NBEAL1: variants seen among roughly 807,000 people sequenced by gnomAD.
NBEAL1 encodes neurobeachin-like protein 1.
A neutral mutation model predicts 351.3 loss-of-function variants in NBEAL1; 273 were observed. The ratio of observed to expected loss-of-function variants is 0.78; its 90% confidence interval spans 0.70 to 0.86. The LOEUF (loss-of-function observed/expected upper bound fraction) is 0.86, where lower values mean the gene tolerates loss of function less well. Ranked by LOEUF, NBEAL1 falls within the 40% of genes least tolerant of loss-of-function variation. NBEAL1 has a pLI of 0.00. For missense variants in NBEAL1, 2,961 were observed against 3,201.3 expected, an observed-to-expected ratio of 0.92 and a Z score of 1.81; for synonymous variants, 1,050 against 1,086.4, an observed-to-expected ratio of 0.97 and a Z score of 0.66.
rs545562522 is a variant in NBEAL1, at chr2:203,124,182, C to T, written c.2683-1170C>T. Among the ~76,000 whole-genome samples, 16 of 152,190 alleles carry T rather than the reference C, an allele frequency of 1.1e-4. 1 individual carries two copies. Among genetic ancestry groups the T allele is most frequent in the Admixed American group, 5.2e-4 (8 of 15,272 alleles). Reference sequence around the variant, plus strand: ...CAAAACTTTGTACAAAAAATACACACGTTAGCTGAGTGTGGTGGCACATGC... The same window carrying T: ...CAAAACTTTGTACAAAAAATACACATGTTAGCTGAGTGTGGTGGCACATGC... On this transcript the variant is annotated intron_variant, in intron 19 of 55. Coordinates refer to ENST00000683969, the MANE Select transcript of NBEAL1 (RefSeq NM_001378026.1).
At chr2:203,207,084 T>C (rs371054935) in intron 51 of NBEAL1, among the ~76,000 whole-genome samples, 1 of 141,222 alleles carries the variant, frequency 7.1e-6, no homozygotes, top group Non-Finnish European at 1.6e-5. Flanking sequence ...CCGTCCGGGA[T>C]GTGAGGAGCG....
chr2:203,063,448 AGGAGGGAGGGAG>A (rs556653752), intron 6 of NBEAL1, among the ~76,000 whole-genome samples: 1 of 114,348 alleles, frequency 8.7e-6, no homozygotes, highest in Non-Finnish European at 1.7e-5. Flanking sequence ...TGAAAGAAAG[AGGAGGGAGGGAG>A]GGAGGGAGGG....
At chr2:203,084,691 C>T in intron 10 of NBEAL1, 122 bp downstream of exon 10, 1 of 490,004 alleles carries the variant, frequency 2.0e-6, no homozygotes, top group Non-Finnish European at 3.5e-6. Flanking sequence ...CATTTAATTA[C>T]ATAACCAAGT....
intron 8 of NBEAL1, among the ~76,000 whole-genome samples, chr2:203,081,971 G>A (rs2061882299): frequency 6.6e-6 from 1 of 152,164 alleles, no homozygotes; most frequent in Admixed American, 6.5e-5. Flanking sequence ...AGGTATGATG[G>A]TGCACACCTG....
At chr2:203,029,042 A>G (rs539881441) in intron 2 of NBEAL1, among the ~76,000 whole-genome samples, 2 of 152,170 alleles carry the variant, frequency 1.3e-5, no homozygotes, top group East Asian at 1.9e-4. Context: ...CTGGAGTGCA[A>G]TGGTGTGATC....
At chr2:203,203,653 C>T (rs1476312069) in intron 51 of NBEAL1, among the ~76,000 whole-genome samples, 3 of 152,152 alleles carry the variant, frequency 2.0e-5, no homozygotes, top group African/African-American at 7.2e-5. Flanking sequence ...CTGCAATGAG[C>T]TGAGATTCTG....
At chr2:203,149,524 A>G (rs1324705419) in intron 34 of NBEAL1, among the ~76,000 whole-genome samples, 12 of 152,066 alleles carry the variant, frequency 7.9e-5, no homozygotes, top group Admixed American at 7.9e-4. Context: ...TGTTTTGCTT[A>G]ATTATATTAT....
At chr2:203,206,367 A>C (rs1435559776) in intron 51 of NBEAL1, among the ~76,000 whole-genome samples, 1 of 151,976 alleles carries the variant, frequency 6.6e-6, no homozygotes, top group Non-Finnish European at 1.5e-5. Context: ...TACAAGAAAG[A>C]AAGCATGTCT....
chr2:203,204,290 A>C (rs1397236432), intron 51 of NBEAL1, among the ~76,000 whole-genome samples: 1 of 146,112 alleles, frequency 6.8e-6, no homozygotes, highest in African/African-American at 2.5e-5. Flanking sequence ...AATTGTATTT[A>C]ATTTATATGT....
chr2:203,056,028 A>G (rs190827076), intron 4 of NBEAL1, among the ~76,000 whole-genome samples: 1 of 152,256 alleles, frequency 6.6e-6, no homozygotes, highest in African/African-American at 2.4e-5. Flanking sequence ...TGAAAACAGT[A>G]TGTACAAAAA....
At chr2:203,058,648 A>C (rs2061445708) in intron 6 of NBEAL1, among the ~76,000 whole-genome samples, 1 of 152,198 alleles carries the variant, frequency 6.6e-6, no homozygotes, top group South Asian at 2.1e-4. Flanking sequence ...TACAATTAAG[A>C]ATTCTTGCTG....
intron 51 of NBEAL1, among the ~76,000 whole-genome samples, chr2:203,206,469 A>G (rs2065566006): frequency 1.3e-5 from 2 of 152,070 alleles, no homozygotes; most frequent in South Asian, 2.1e-4. Context: ...ATGCCGAGCC[A>G]AAGCTGGACT....
chr2:203,151,787 T>C (rs916774455), intron 35 of NBEAL1, among the ~76,000 whole-genome samples, 198 bp downstream of exon 35: 5 of 152,182 alleles, frequency 3.3e-5, no homozygotes, highest in African/African-American at 7.2e-5. Flanking sequence ...CTTCCATTGA[T>C]TGTAATTTCT....
At chr2:203,041,911 AAG>A in intron 3 of NBEAL1, 55 bp downstream of exon 3, 1 of 1,148,650 alleles carries the variant, frequency 8.7e-7, no homozygotes, top group South Asian at 1.3e-5. Context: ...TTTTGGCACA[AAG>A]ATTTCATTGA....
At chr2:203,191,239 G>A (rs1320432725) in intron 46 of NBEAL1, 14 of 1,476,662 alleles carry the variant, frequency 9.5e-6, no homozygotes, top group African/African-American at 2.8e-5. Context: ...CATCATCGAT[G>A]ACATCAACAG....
rs143631458 is a variant in NBEAL1 at position 203,093,547 on chromosome 2, A to G, written c.1099-4000A>G. 2.3e-4 allele frequency among the ~76,000 whole-genome samples: 35 copies of G among 152,254 alleles called. 1 individual carries two copies. In the East Asian group the frequency reaches 6.4e-3, roughly 28 times the overall value. ...TTGAAACAAAAATGCTGGAGAAGAA[A>G]TCTCTTTGAAGAGGGAAAACTAGCT... On this transcript the variant is annotated intron_variant, in intron 10 of 55. Coordinates refer to ENST00000683969, the MANE Select transcript of NBEAL1 (RefSeq NM_001378026.1).
intron 33 of NBEAL1, among the ~76,000 whole-genome samples, chr2:203,145,797 C>CAA (rs56382460): frequency 4.6e-5 from 4 of 86,094 alleles, no homozygotes; most frequent in Non-Finnish European, 6.8e-5. Context: ...GACTCCATCT[C>CAA]AAAAAAAAAA....
At position 203,136,740 on chromosome 2, in the gene NBEAL1, G is replaced by A. The variant is rs2063220399; in HGVS notation, c.4531G>A (p.Glu1511Lys). Residue 1511 changes from glutamate (E) to lysine (K), a missense_variant, in exon 29 of 56, where the codon GAA (glutamate) becomes AAA (lysine). By Grantham distance (56) the Glu-to-Lys change is moderately conservative. Transcript: ENST00000683969. ...ACTAAGTAAACCAGGAATATCCAGT[G>A]AACTACTTCGACCATCAGATGAAAT... is the stretch of plus-strand genomic sequence containing the variant. ...SALSKPGISSELLRPSDEIKL... is the reference protein window; with the variant it reads ...SALSKPGISSKLLRPSDEIKL... The A allele has an allele frequency of 1.9e-6, 3 of 1,613,226 alleles. No individual in the cohort carries two copies. Among genetic ancestry groups the A allele is most frequent in the Non-Finnish European group, 1.7e-6 (2 of 1,179,702 alleles).
intron 26 of NBEAL1, 60 bp from the exon 27 acceptor site, chr2:203,132,997 AC>A: frequency 1.4e-6 from 1 of 700,572 alleles, no homozygotes; most frequent in East Asian, 3.0e-5. Context: ...AGTATTATCC[AC>A]AGTTCTTTCT....
Sources: allele counts gnomAD v4.1 joint callset (sites outside exome capture counted in the v4.1 genomes callset), GRCh38; gene constraint gnomAD v4.1.1; transcripts MANE v1.5; gene names NCBI Gene and HGNC (gene_info 2026-07-23, HGNC 2026-07-21).